TMCC2: variants seen among roughly 807,000 people sequenced by gnomAD.
TMCC2 encodes the protein transmembrane and coiled-coil domains protein 2.
In TMCC2, 16 loss-of-function variants were observed where a neutral mutation model predicts 49.4. The observed-to-expected ratio is 0.32, with a 90% CI of 0.22 to 0.49. The LOEUF (loss-of-function observed/expected upper bound fraction) is 0.49, where lower values mean the gene tolerates loss of function less well. TMCC2 is among the 20% of genes least tolerant of loss of function. The probability of loss-of-function intolerance (pLI) is 0.99; values close to 1 mark genes in which losing one functional copy is unlikely to be tolerated. For missense variants in TMCC2, 762 were observed against 989.8 expected, an observed-to-expected ratio of 0.77 and a Z score of 3.09; for synonymous variants, 397 against 434.1, an observed-to-expected ratio of 0.91 and a Z score of 1.06.
chr1:205,245,783 A>G (rs1660429005), intron 2 of TMCC2, among the ~76,000 whole-genome samples: 1 of 151,314 alleles, frequency 6.6e-6, no homozygotes, highest in Non-Finnish European at 1.5e-5. Context: ...TAGCTAAGCC[A>G]GCTGAAGATA....
rs1432444465 is a variant in TMCC2, at chr1:205,269,196, A to G, written c.994A>G (p.Ile332Val). 6.2e-7 allele frequency: 1 copy of G among 1,614,046 alleles called. No individual in the cohort carries two copies. The highest frequency in any genetic ancestry group is 1.3e-5 in the African/African-American group (1 of 74,952). The change falls in exon 3 of 5, where the codon ATC becomes GTC. Residue 332 changes from isoleucine to valine, a missense_variant. Transcript: ENST00000358024. The part of the protein sequence containing the change: ...NNADKQQVSR[I>V]KQVFEKKNQK... ...CGCGGACAAGCAGCAGGTGTCACGCATCAAGCAAGTGTTCGAGAAGAAGAA... is the reference window on the plus strand; with the variant it reads ...CGCGGACAAGCAGCAGGTGTCACGCGTCAAGCAAGTGTTCGAGAAGAAGAA...
Position 205,241,470 on chromosome 1 carries a change from C to G in TMCC2, c.208-35C>G, listed in dbSNP as rs771619369. The G allele has an allele frequency of 6.2e-7, 1 of 1,603,176 alleles. No homozygotes were observed. Among genetic ancestry groups the G allele is most frequent in the Non-Finnish European group, 8.5e-7 (1 of 1,174,402 alleles). On this transcript the variant is annotated intron_variant, in intron 1 of 4. Transcript: ENST00000358024. The surrounding 1 kb of genome is among the most constrained non-coding windows in gnomAD (Gnocchi z 7.3). Reference sequence around the variant, plus strand: ...TACTGACTAGGCAATCAAGAGCTTTCCACTCACCAGGGTTCTTCATCTCTC... The same window carrying G: ...TACTGACTAGGCAATCAAGAGCTTTGCACTCACCAGGGTTCTTCATCTCTC...
chr1:205,272,286 T>C lies in TMCC2; in HGVS notation c.*162T>C. 6 of 1,368,666 alleles carry C rather than the reference T, an allele frequency of 4.4e-6. No homozygotes were observed. Among genetic ancestry groups the C allele is most frequent in the Non-Finnish European group, 5.8e-6 (6 of 1,038,110 alleles). 84.8% of individuals were successfully genotyped at this position (1,368,666 alleles called of 1,614,324 possible). A position where few individuals can be genotyped will look rare whatever the true frequency, so the allele number is the denominator to read the frequency against. ...TCTGTACTTGCTTCTGTCTGACACC[T>C]TCTCCCTGTTGGCCTGAAGGGAGCT... On this transcript the variant is annotated 3_prime_UTR_variant, in exon 5 of 5. Transcript: ENST00000358024.
chr1:205,255,932 C>G (rs1660853351), intron 2 of TMCC2, among the ~76,000 whole-genome samples: 1 of 152,118 alleles, frequency 6.6e-6, no homozygotes, highest in Non-Finnish European at 1.5e-5. Context: ...CAGAGCTGGC[C>G]CCAGAAATTG....
intron 1 of TMCC2, among the ~76,000 whole-genome samples, chr1:205,237,726 A>G (rs376998430): frequency 1.1e-4 from 17 of 152,356 alleles, no homozygotes; most frequent in African/African-American, 4.1e-4. Context: ...ATGAAGCCCA[A>G]CTGTTCAGAA....
At chr1:205,255,637 G>A (rs1210280882) in intron 2 of TMCC2, among the ~76,000 whole-genome samples, 3 of 152,140 alleles carry the variant, frequency 2.0e-5, no homozygotes, top group African/African-American at 7.2e-5. Flanking sequence ...TGCAGTGGCT[G>A]GACTGCCTTT....
intron 2 of TMCC2, among the ~76,000 whole-genome samples, chr1:205,268,431 C>T (rs188474586): frequency 2.0e-4 from 30 of 152,136 alleles, no homozygotes; most frequent in African/African-American, 6.5e-4. Context: ...CTGGCCAACA[C>T]GGTGAAACCC....
chr1:205,236,489 T>G (rs1052103583), intron 1 of TMCC2: 2 of 152,200 alleles, frequency 1.3e-5, no homozygotes, highest in Admixed American at 6.5e-5. Flanking sequence ...AGAAAATAAA[T>G]GAACAAATAA....
intron 1 of TMCC2, chr1:205,229,571 CG>C (rs1366635155): frequency 2.9e-4 from 154 of 534,572 alleles, no homozygotes; most frequent in Middle Eastern, 2.2e-3. Context: ...GTGGCGGGGG[CG>C]GGGGGGGAAG....
intron 2 of TMCC2, 68 bp from the exon 3 acceptor site, chr1:205,268,882 A>T: frequency 1.3e-6 from 2 of 1,493,370 alleles, no homozygotes; most frequent in Non-Finnish European, 9.2e-7. Context: ...CCAAGTCCAG[A>T]GGCATCCAGG....
intron 1 of TMCC2, among the ~76,000 whole-genome samples, chr1:205,240,419 C>T (rs1660220894): frequency 6.6e-6 from 1 of 152,212 alleles, no homozygotes. Context: ...GGGAAAGACA[C>T]TCATTTGGAT....
chr1:205,256,732 G>A (rs1301009228), intron 2 of TMCC2, among the ~76,000 whole-genome samples: 1 of 152,192 alleles, frequency 6.6e-6, no homozygotes, highest in Non-Finnish European at 1.5e-5. Flanking sequence ...CCCCCCTCCA[G>A]GCTCTAGTCT....
intron 2 of TMCC2, among the ~76,000 whole-genome samples, chr1:205,259,375 G>A (rs1049872950): frequency 1.1e-4 from 17 of 152,168 alleles, no homozygotes; most frequent in African/African-American, 3.9e-4. Context: ...CAGCTTTCTC[G>A]TGCAGCTGGG....
rs759920615 is a variant in TMCC2 at position 205,269,406 on chromosome 1, G to A, written c.1204G>A (p.Val402Met). Residue 402 changes from valine to methionine, a missense_variant, in exon 3 of 5, where the codon GTG (valine) becomes ATG (methionine). Val to Met is a conservative substitution (Grantham distance 21). Around this residue, in one of 2 missense-constraint regions of TMCC2, gnomAD observed 440 missense variants for 636.7 expected, o/e 0.69. Transcript: ENST00000358024. ...AGGCATCAGCGGCTTTGGGGGCGGC[G>A]TGGTGGAGGGCGTCAAGGGCAGCCT... is the stretch of plus-strand genomic sequence containing the variant. ...RAGISGFGGG[V>M]VEGVKGSLSG... The A allele has an allele frequency of 2.3e-5, 37 of 1,606,308 alleles. No homozygotes were observed. Among genetic ancestry groups the A allele is most frequent in the Non-Finnish European group, 2.7e-5 (32 of 1,174,736 alleles).
chr1:205,241,582 G>C lies in TMCC2; in HGVS notation c.285G>C (p.Arg95=), dbSNP rs759554538. 1.2e-6 allele frequency: 2 copies of C among 1,613,974 alleles called. No individual in the cohort carries two copies. The highest frequency in any genetic ancestry group is 2.2e-5 in the South Asian group (2 of 91,070). The change falls in exon 2 of 5, where the codon CGG becomes CGC. Residue 95 remains arginine, a synonymous_variant. Transcript: ENST00000358024. This position sits in a 1 kb window ranked among gnomAD's most constrained non-coding sequence, Gnocchi z 7.3. ...TGTTCCACAGCCGCCGTCGGTCTCG[G>C]GAAAGGGAGCACCAGACGTCTCAGG... ...KHLFHSRRRS[R]EREHQTSQDS... is the part of the protein sequence containing the mutation.
At chr1:205,230,784 A>G (rs954672746) in intron 1 of TMCC2, among the ~76,000 whole-genome samples, 15 of 152,084 alleles carry the variant, frequency 9.9e-5, no homozygotes, top group Admixed American at 2.0e-4. Context: ...GGGACGCCTT[A>G]AGGGATGCCA....
chr1:205,228,130 G>A lies in TMCC2; in HGVS notation c.-435G>A, dbSNP rs1659645284. 6.7e-6 allele frequency: 1 copy of A among 150,094 alleles called. No homozygotes were observed. Among genetic ancestry groups the A allele is most frequent in the Non-Finnish European group, 1.5e-5 (1 of 67,456 alleles). The allele number at this position is 150,094 out of a possible 1,614,324, so 9.3% of individuals were successfully genotyped here. A position where few individuals can be genotyped will look rare whatever the true frequency, so the allele number is the denominator to read the frequency against. Reference sequence around the variant, plus strand: ...GCCGGCGCCGATGGCGGCCGACTAGGACCTGCCCGGCCGGCTGCCCCGCGC... The same window carrying A: ...GCCGGCGCCGATGGCGGCCGACTAGAACCTGCCCGGCCGGCTGCCCCGCGC... On this transcript the variant is annotated 5_prime_UTR_variant, in exon 1 of 5. Coordinates refer to ENST00000358024, the MANE Select transcript of TMCC2 (RefSeq NM_014858.4).
Position 205,269,237 on chromosome 1 carries a change from G to A in TMCC2, c.1035G>A (p.Gln345=). 1 of 1,614,002 alleles carries A rather than the reference G, an allele frequency of 6.2e-7. No individual in the cohort carries two copies. Among genetic ancestry groups the A allele is most frequent in the Non-Finnish European group, 8.5e-7 (1 of 1,180,042 alleles). Residue 345 remains glutamine, a synonymous_variant, in exon 3 of 5, where the codon CAG becomes CAA. Coordinates refer to ENST00000358024, the MANE Select transcript of TMCC2 (RefSeq NM_014858.4). ...AGAAGAAGAACCAGAAGTCAGCCCAGACCATCGCCCAGCTGCACAAGAAGC... is the reference window on the plus strand; with the variant it reads ...AGAAGAAGAACCAGAAGTCAGCCCAAACCATCGCCCAGCTGCACAAGAAGC... ...VFEKKNQKSA[Q]TIAQLHKKLE...
At chr1:205,236,072 A>C (rs1660033036) in intron 1 of TMCC2, among the ~76,000 whole-genome samples, 1 of 149,796 alleles carries the variant, frequency 6.7e-6, no homozygotes, top group African/African-American at 2.4e-5. Flanking sequence ...CTGTCTCAAA[A>C]AAAAAAAAAA....
Sources: gnomAD v4.1 joint callset for allele counts (sites outside exome capture counted in the v4.1 genomes callset) on GRCh38, gnomAD v4.1.1 for gene constraint, gnomAD v4.1.1 regional missense constraint, Gnocchi (gnomAD v3.1) non-coding constraint, MANE v1.5 for transcripts, NCBI Gene and HGNC (gene_info 2026-07-23, HGNC 2026-07-21) for gene names.